The following MYRIP variants were observed in gnomAD, a reference collection of about 807,000 sequenced individuals.
The protein encoded by MYRIP is myosin VIIA and Rab interacting protein.
In MYRIP, 49 loss-of-function variants were observed where a neutral mutation model predicts 98.0. The ratio of observed to expected loss-of-function variants is 0.50; its 90% confidence interval spans 0.40 to 0.63. The LOEUF (loss-of-function observed/expected upper bound fraction) is 0.63. MYRIP is among the 30% of genes least tolerant of loss of function. MYRIP has a pLI of 0.00. For synonymous variants in MYRIP, 404 were observed against 409.5 expected (o/e 0.99, Z 0.16); for missense variants, 1,004 against 1,058.2 (o/e 0.95, Z 0.71).
chr3:40,125,977 T>C (rs1432572689), intron 3 of MYRIP, among the ~76,000 whole-genome samples: 3 of 152,172 alleles, frequency 2.0e-5, no homozygotes, highest in African/African-American at 7.2e-5. Flanking sequence ...CTCTCTTGAC[T>C]TTTCAGAACT....
intron 2 of MYRIP, among the ~76,000 whole-genome samples, chr3:40,007,668 G>A (rs1450847915): frequency 6.6e-6 from 1 of 152,228 alleles, no homozygotes; most frequent in Non-Finnish European, 1.5e-5. Flanking sequence ...CCACTAGGAT[G>A]TGTGTATGTG....
At chr3:40,044,640 T>C (rs556380280) in intron 3 of MYRIP, among the ~76,000 whole-genome samples, 56 of 152,286 alleles carry the variant, frequency 3.7e-4, no homozygotes, top group African/African-American at 1.3e-3. Flanking sequence ...AACATGATGG[T>C]GAATTAGGCC....
In MYRIP at chr3:40,010,197, A is replaced by G. The variant is rs187278071; in HGVS notation, c.111-33853A>G. Among the ~76,000 whole-genome samples the G allele has an allele frequency of 8.9e-4, 136 of 152,346 alleles. 4 individuals carry two copies. The East Asian group carries it at 0.02, about 22-fold the overall frequency. On this transcript the variant is annotated intron_variant, in intron 2 of 16. Transcript: ENST00000302541. ...AATGCAACAGCACTGCTTGTTCTGA[A>G]GCACAAAGCCAGCAGATTTCTGGGA...
At chr3:40,073,942 T>C (rs953863785) in intron 3 of MYRIP, among the ~76,000 whole-genome samples, 1 of 152,248 alleles carries the variant, frequency 6.6e-6, no homozygotes, top group Non-Finnish European at 1.5e-5. Context: ...AAGAAGAGCA[T>C]GACAATCACT....
intron 3 of MYRIP, among the ~76,000 whole-genome samples, chr3:40,127,795 G>A (rs1380048025): frequency 6.6e-6 from 1 of 152,148 alleles, no homozygotes; most frequent in Non-Finnish European, 1.5e-5. Flanking sequence ...CTCTGCCTGA[G>A]GCAGCATCTC....
At chr3:40,172,754 A>G (rs1950644655) in intron 8 of MYRIP, among the ~76,000 whole-genome samples, 1 of 152,018 alleles carries the variant, frequency 6.6e-6, no homozygotes, top group Non-Finnish European at 1.5e-5. Context: ...ATGGGTCCTC[A>G]CCAGTGCCCT....
rs376018786 is a variant in MYRIP at position 40,033,063 on chromosome 3, C to A, written c.111-10987C>A. Among the ~76,000 whole-genome samples the A allele has an allele frequency of 1.4e-3, 205 of 150,816 alleles. 2 individuals carry two copies. In the South Asian group the frequency reaches 0.041, roughly 30 times the overall value. ...CTCAATAAATTAGATATTGATGGGA[C>A]GTATCTCAAAATAATAAGAGCTATC... On this transcript the variant is annotated intron_variant, in intron 2 of 16. Coordinates refer to ENST00000302541, the MANE Select transcript of MYRIP (RefSeq NM_015460.4).
chr3:39,820,021 G>T (rs1941057047), intron 1 of MYRIP, among the ~76,000 whole-genome samples: 1 of 152,182 alleles, frequency 6.6e-6, no homozygotes, highest in Admixed American at 6.5e-5. Flanking sequence ...AGACAGATGT[G>T]TGATCTGCAG....
intron 2 of MYRIP, among the ~76,000 whole-genome samples, chr3:39,905,401 CACTT>C (rs1488397313): frequency 6.6e-6 from 1 of 152,122 alleles, no homozygotes; most frequent in Non-Finnish European, 1.5e-5. Flanking sequence ...GGACTTAGCT[CACTT>C]ACTTATATTA....
chr3:40,098,938 T>C (rs77601873), intron 3 of MYRIP, among the ~76,000 whole-genome samples: 13,371 of 152,174 alleles, frequency 0.088, 663 homozygotes, highest in East Asian at 0.22. Flanking sequence ...TGTGTGTGTG[T>C]GTACATTTGA....
chr3:40,034,121 A>G (rs1190888655), intron 2 of MYRIP, among the ~76,000 whole-genome samples: 1 of 152,040 alleles, frequency 6.6e-6, no homozygotes, highest in Non-Finnish European at 1.5e-5. Context: ...TAAAAACCCT[A>G]GAAGAAAACC....
chr3:40,071,064 C>G, intron 3 of MYRIP: 1 of 893,660 alleles, frequency 1.1e-6, no homozygotes, highest in Non-Finnish European at 1.3e-6. Context: ...ATGCATTTGC[C>G]TTTTGACATA....
chr3:40,190,704 C>A (rs1263006292), intron 10 of MYRIP, among the ~76,000 whole-genome samples: 1 of 152,188 alleles, frequency 6.6e-6, no homozygotes, highest in African/African-American at 2.4e-5. Flanking sequence ...GGCCCCCAGA[C>A]CAGCAGCATC....
At chr3:40,123,711 T>C (rs960674264) in intron 3 of MYRIP, among the ~76,000 whole-genome samples, 7 of 152,214 alleles carry the variant, frequency 4.6e-5, no homozygotes, top group Non-Finnish European at 1.0e-4. Flanking sequence ...CTGGGGCAGA[T>C]AGTCTTGTCT....
At chr3:40,230,814 ACTT>A (rs1231589249) in intron 11 of MYRIP, among the ~76,000 whole-genome samples, 18 of 148,388 alleles carry the variant, frequency 1.2e-4, no homozygotes, top group East Asian at 5.9e-4. Context: ...TTGTTCAGTC[ACTT>A]CTTCTTTTTT....
intron 1 of MYRIP, among the ~76,000 whole-genome samples, chr3:39,849,535 T>A (rs149899108): frequency 1.3e-3 from 196 of 152,318 alleles, no homozygotes; most frequent in African/African-American, 4.1e-3. Flanking sequence ...GGTGAGAGGT[T>A]CATCAGTAGC....
chr3:40,005,502 TTAA>T (rs1235000454), intron 2 of MYRIP, among the ~76,000 whole-genome samples: 3 of 152,180 alleles, frequency 2.0e-5, no homozygotes, highest in Admixed American at 6.5e-5. Flanking sequence ...GTGCACAAAA[TTAA>T]TAAGCCAAAA....
chr3:40,000,649 C>A (rs530898076), intron 2 of MYRIP, among the ~76,000 whole-genome samples: 5 of 152,100 alleles, frequency 3.3e-5, no homozygotes, highest in Non-Finnish European at 5.9e-5. Flanking sequence ...GACTTGCTTT[C>A]GTCCTTAATT....
chr3:39,823,763 A>G (rs532179391), intron 1 of MYRIP, among the ~76,000 whole-genome samples: 1 of 152,222 alleles, frequency 6.6e-6, no homozygotes, highest in Admixed American at 6.5e-5. Context: ...TGTAAGATGA[A>G]TAGTTTGCAA....
Sources: gnomAD v4.1 joint callset for allele counts (sites outside exome capture counted in the v4.1 genomes callset) on GRCh38, gnomAD v4.1.1 for gene constraint, MANE v1.5 for transcripts, NCBI Gene and HGNC (gene_info 2026-07-23, HGNC 2026-07-21) for gene names.